The following BCKDHB variants were observed in gnomAD, a reference collection of about 807,000 sequenced individuals.
The protein encoded by BCKDHB is 2-oxoisovalerate dehydrogenase subunit beta, mitochondrial.
BCKDHB carries 41 observed loss-of-function variants against 48.5 expected under a neutral mutation model. The observed-to-expected ratio is 0.85, with a 90% CI of 0.66 to 1.10. The LOEUF (loss-of-function observed/expected upper bound fraction) is 1.10. Ranked by LOEUF, BCKDHB falls within the 50% of genes least tolerant of loss-of-function variation. The pLI is 0.00. For synonymous variants in BCKDHB, 201 were observed against 174.8 expected (o/e 1.15, Z -1.18); for missense variants, 496 against 494.2 (o/e 1.00, Z -0.03).
chr6:80,465,700 A>G, the BCKDHB span: 1 of 152,220 alleles, frequency 6.6e-6, no homozygotes, highest in African/African-American at 2.4e-5. Context: ...CAAATTGCAC[A>G]TTTAGCAAGA....
the BCKDHB span, among the ~76,000 whole-genome samples, chr6:80,401,708 G>A: frequency 2.6e-5 from 4 of 151,582 alleles, no homozygotes; most frequent in South Asian, 4.1e-4. Flanking sequence ...CTAAAATTTT[G>A]TACCCTTTAA....
chr6:80,427,934 G>A, the BCKDHB span, among the ~76,000 whole-genome samples: 1 of 152,006 alleles, frequency 6.6e-6, no homozygotes, highest in African/African-American at 2.4e-5. Context: ...AGAATGTGCA[G>A]TTTTTGTCAG....
At chr6:80,128,230 GCTTCCAC>G (rs1342627842) in intron 2 of BCKDHB, among the ~76,000 whole-genome samples, 1 of 151,814 alleles carries the variant, frequency 6.6e-6, no homozygotes, top group African/African-American at 2.4e-5. Flanking sequence ...TATACATTGG[GCTTCCAC>G]CTTCCACCTG....
chr6:80,322,438 C>T (rs1281100104), intron 9 of BCKDHB, among the ~76,000 whole-genome samples: 1 of 151,916 alleles, frequency 6.6e-6, no homozygotes, highest in Non-Finnish European at 1.5e-5. Context: ...AGGGTTTCAC[C>T]ATGTTGGTCA....
intron 9 of BCKDHB, 31 bp downstream of exon 9, chr6:80,273,252 C>G (rs751761225): frequency 1.3e-6 from 2 of 1,538,162 alleles, no homozygotes; most frequent in Non-Finnish European, 1.8e-6. Context: ...GATTTCAATG[C>G]TTGTGCAATT....
At position 80,232,067 on chromosome 6, in the gene BCKDHB, G is replaced by A. The variant is rs373174979; in HGVS notation, c.951+28855G>A. Among the ~76,000 whole-genome samples, 27 of 152,240 alleles carry A rather than the reference G, an allele frequency of 1.8e-4. No individual in the cohort carries two copies. In the South Asian group the frequency reaches 2.3e-3, roughly 13 times the overall value. Reference sequence around the variant, plus strand: ...ATTTATTCTGTTTTTTCAACTTAGCGTCATTACAGCATAATCTTTTGGTGT... The same window carrying A: ...ATTTATTCTGTTTTTTCAACTTAGCATCATTACAGCATAATCTTTTGGTGT... On this transcript the variant is annotated intron_variant, in intron 8 of 9. Coordinates refer to ENST00000320393, the MANE Select transcript of BCKDHB (RefSeq NM_183050.4).
At chr6:80,397,566 A>C in the BCKDHB span, among the ~76,000 whole-genome samples, 3 of 152,152 alleles carry the variant, frequency 2.0e-5, no homozygotes, top group Non-Finnish European at 4.4e-5. Context: ...CTGCTTTTTA[A>C]AAAAATTAAC....
chr6:80,165,090 A>G (rs147620192), intron 3 of BCKDHB, among the ~76,000 whole-genome samples: 58 of 152,310 alleles, frequency 3.8e-4, no homozygotes, highest in East Asian at 2.3e-3. Flanking sequence ...CAACAAGGCT[A>G]TATTTCTTAC....
chr6:80,422,317 G>A, the BCKDHB span, among the ~76,000 whole-genome samples: 43 of 152,212 alleles, frequency 2.8e-4, no homozygotes, highest in Non-Finnish European at 5.0e-4. Flanking sequence ...CTAGATTTTA[G>A]AGGATGTATG....
At chr6:80,310,430 T>G (rs535888121) in intron 9 of BCKDHB, among the ~76,000 whole-genome samples, 1 of 152,356 alleles carries the variant, frequency 6.6e-6, no homozygotes, top group East Asian at 1.9e-4. Flanking sequence ...AAGGACATGA[T>G]CTTGTTCTGT....
the BCKDHB span, among the ~76,000 whole-genome samples, chr6:80,461,037 C>T: frequency 9.2e-5 from 14 of 152,240 alleles, no homozygotes; most frequent in Non-Finnish European, 1.9e-4. Context: ...AAACACTAAA[C>T]GCATAGTCTC....
chr6:80,410,351 C>T, the BCKDHB span, among the ~76,000 whole-genome samples: 1 of 152,226 alleles, frequency 6.6e-6, no homozygotes, highest in South Asian at 2.1e-4. Flanking sequence ...TGTGGGTAAC[C>T]CGACCTTTCT....
chr6:80,264,294 G>A (rs1172706209), intron 8 of BCKDHB, among the ~76,000 whole-genome samples: 1 of 152,148 alleles, frequency 6.6e-6, no homozygotes, highest in African/African-American at 2.4e-5. Flanking sequence ...ATGAACTGAT[G>A]ACCTTTGGAA....
intron 8 of BCKDHB, among the ~76,000 whole-genome samples, chr6:80,234,747 T>G (rs1386764444): frequency 6.6e-6 from 1 of 152,130 alleles, no homozygotes; most frequent in Admixed American, 6.5e-5. Flanking sequence ...CCATGTGTGT[T>G]GCAGCACAAT....
the BCKDHB span, among the ~76,000 whole-genome samples, chr6:80,455,745 T>C: frequency 6.6e-6 from 1 of 152,092 alleles, no homozygotes; most frequent in Non-Finnish European, 1.5e-5. Flanking sequence ...AAATCCTTAA[T>C]GTTTTAACAA....
intron 8 of BCKDHB, among the ~76,000 whole-genome samples, chr6:80,240,168 G>A (rs1776321093): frequency 1.3e-5 from 2 of 152,050 alleles, no homozygotes; most frequent in South Asian, 2.1e-4. Context: ...GATGGGGATG[G>A]CATTGAATCA....
At chr6:80,372,317 A>G in the BCKDHB span, among the ~76,000 whole-genome samples, 1 of 152,084 alleles carries the variant, frequency 6.6e-6, no homozygotes, top group Non-Finnish European at 1.5e-5. Context: ...TTAATTTTGT[A>G]TCCTGAAACT....
At chr6:80,140,058 T>G (rs1771110861) in intron 3 of BCKDHB, among the ~76,000 whole-genome samples, 1 of 152,208 alleles carries the variant, frequency 6.6e-6, no homozygotes, top group Non-Finnish European at 1.5e-5. Context: ...TTTATTCTCT[T>G]TGAAGCAATT....
the BCKDHB span, among the ~76,000 whole-genome samples, chr6:80,452,941 C>A: frequency 6.6e-6 from 1 of 152,120 alleles, no homozygotes; most frequent in Non-Finnish European, 1.5e-5. Flanking sequence ...TTGTCTGCCA[C>A]GAATTACATT....
Sources: allele counts gnomAD v4.1 joint callset (sites outside exome capture counted in the v4.1 genomes callset), GRCh38; gene constraint gnomAD v4.1.1; transcripts MANE v1.5; gene names NCBI Gene and HGNC (gene_info 2026-07-23, HGNC 2026-07-21).